Variants in SNTG1 observed in about 807,000 individuals in gnomAD.
The protein encoded by SNTG1 is syntrophin gamma 1.
Under a neutral mutation model 74.7 loss-of-function variants are expected in SNTG1, and 39 were observed. The ratio of observed to expected loss-of-function variants is 0.52; its 90% CI spans 0.40 to 0.68. The LOEUF (loss-of-function observed/expected upper bound fraction) is 0.68, where lower values mean the gene tolerates loss of function less well. Among genes scored for constraint, SNTG1 ranks in the 30% least tolerant of loss-of-function variants. The probability of loss-of-function intolerance (pLI) is 0.00; values close to 1 mark genes in which losing one functional copy is unlikely to be tolerated. For synonymous variants in SNTG1, 254 were observed against 217.1 expected, an observed-to-expected ratio of 1.17 and a Z score of -1.49; for missense variants, 685 against 609.5, an observed-to-expected ratio of 1.12 and a Z score of -1.30.
intron 1 of SNTG1, among the ~76,000 whole-genome samples, chr8:50,109,105 C>A (rs1306371320): frequency 1.3e-5 from 2 of 152,172 alleles, no homozygotes; most frequent in Non-Finnish European, 1.5e-5. Flanking sequence ...ACACTTTCCA[C>A]TCCTGGGTAT....
intron 17 of SNTG1, among the ~76,000 whole-genome samples, chr8:50,716,139 AAGC>A (rs2095474437): frequency 6.6e-6 from 1 of 152,162 alleles, no homozygotes; most frequent in Non-Finnish European, 1.5e-5. Flanking sequence ...TTTTTATATA[AAGC>A]ATTTATATGA....
At chr8:50,776,143 G>C (rs191329155) in intron 18 of SNTG1, among the ~76,000 whole-genome samples, 1 of 150,448 alleles carries the variant, frequency 6.6e-6, no homozygotes, top group Admixed American at 6.6e-5. Flanking sequence ...TTTGAATTTT[G>C]TTCTCTCTCT....
intron 1 of SNTG1, among the ~76,000 whole-genome samples, chr8:50,139,841 A>C (rs2081598076): frequency 6.6e-6 from 1 of 152,244 alleles, no homozygotes; most frequent in Admixed American, 6.5e-5. Context: ...CTGGAATTTA[A>C]AGGAGATGAG....
intron 13 of SNTG1, among the ~76,000 whole-genome samples, chr8:50,606,485 TA>T (rs990920188): frequency 6.6e-6 from 1 of 152,062 alleles, no homozygotes; most frequent in Admixed American, 6.6e-5. Flanking sequence ...AAATGACTTC[TA>T]AGATGTAGGA....
At chr8:50,687,580 T>C (rs907172241) in intron 15 of SNTG1, among the ~76,000 whole-genome samples, 1 of 145,840 alleles carries the variant, frequency 6.9e-6, no homozygotes, top group South Asian at 2.1e-4. Flanking sequence ...GTTCTTTTTT[T>C]ATTATTATAA....
intron 2 of SNTG1, among the ~76,000 whole-genome samples, chr8:50,185,584 T>C (rs544088207): frequency 6.6e-6 from 1 of 152,310 alleles, no homozygotes; most frequent in Admixed American, 6.5e-5. Flanking sequence ...CTATGATAAA[T>C]ATAAATGTAT....
intron 2 of SNTG1, among the ~76,000 whole-genome samples, chr8:50,335,844 T>TATTTC (rs1554643237): frequency 6.6e-6 from 1 of 151,226 alleles, no homozygotes; most frequent in Non-Finnish European, 1.5e-5. Context: ...TATTTTATTT[T>TATTTC]ATTTTATTTT....
intron 1 of SNTG1, among the ~76,000 whole-genome samples, chr8:50,162,583 A>G (rs928194921): frequency 1.7e-4 from 26 of 151,052 alleles, no homozygotes; most frequent in African/African-American, 5.4e-4. Context: ...AAAAAGAAAA[A>G]AAAAGAAAGA....
intron 4 of SNTG1, among the ~76,000 whole-genome samples, chr8:50,412,707 T>C (rs756907925): frequency 5.9e-5 from 9 of 152,170 alleles, no homozygotes; most frequent in Non-Finnish European, 7.3e-5. Flanking sequence ...TTGCGGGATA[T>C]ATGTAATTTT....
At chr8:50,658,787 A>C in intron 15 of SNTG1, 124 bp downstream of exon 15, 1 of 633,682 alleles carries the variant, frequency 1.6e-6, no homozygotes, top group Non-Finnish European at 2.7e-6. Context: ...ATAAAGACAA[A>C]TGAAAGAGAA....
chr8:50,355,616 C>T (rs984132639), intron 2 of SNTG1, among the ~76,000 whole-genome samples: 1 of 152,024 alleles, frequency 6.6e-6, no homozygotes, highest in Non-Finnish European at 1.5e-5. Flanking sequence ...ATGTTTTGCT[C>T]CAGAACTTTG....
At chr8:50,719,490 T>A (rs890738642) in intron 17 of SNTG1, among the ~76,000 whole-genome samples, 1 of 152,220 alleles carries the variant, frequency 6.6e-6, no homozygotes, top group Non-Finnish European at 1.5e-5. Flanking sequence ...TTCTATTGTT[T>A]CTATGTTATT....
intron 4 of SNTG1, among the ~76,000 whole-genome samples, chr8:50,421,725 A>G (rs2093090260): frequency 6.6e-6 from 1 of 152,122 alleles, no homozygotes; most frequent in Non-Finnish European, 1.5e-5. Context: ...TTGGCCCCCT[A>G]AAGGTCTGCT....
At chr8:50,121,123 C>CA (rs1440804624) in intron 1 of SNTG1, among the ~76,000 whole-genome samples, 1 of 142,426 alleles carries the variant, frequency 7.0e-6, no homozygotes, top group Non-Finnish European at 1.6e-5. Flanking sequence ...TTGCCATACA[C>CA]AAAAAACTAG....
chr8:50,503,845 T>C (rs1210072991), intron 9 of SNTG1, among the ~76,000 whole-genome samples: 1 of 152,220 alleles, frequency 6.6e-6, no homozygotes, highest in African/African-American at 2.4e-5. Context: ...GGAAACGTTC[T>C]TTTATTTAAC....
At position 50,707,339 on chromosome 8, in the gene SNTG1, A is replaced by G. The variant is rs1293355787; in HGVS notation, c.1192-1547A>G. ...CCTTAAACATTCCTTAATGTTGATA[A>G]TAGTTTTAATAAAGTGCTAATAGGT... On this transcript the variant is annotated intron_variant, in intron 16 of 18. Transcript: ENST00000642720. 2.0e-5 allele frequency among the ~76,000 whole-genome samples: 3 copies of G among 152,156 alleles called. No individual in the cohort carries two copies. In the East Asian group the frequency reaches 5.8e-4, roughly 29 times the overall value.
intron 1 of SNTG1, among the ~76,000 whole-genome samples, chr8:50,145,960 G>C (rs1179867839): frequency 7.5e-6 from 1 of 132,882 alleles, no homozygotes; most frequent in Non-Finnish European, 1.5e-5. Flanking sequence ...AGAACTTAAA[G>C]TATAATAATA....
chr8:49,936,679 T>C (rs1025536204), intron 1 of SNTG1, among the ~76,000 whole-genome samples: 4 of 152,206 alleles, frequency 2.6e-5, no homozygotes, highest in African/African-American at 9.6e-5. Flanking sequence ...CTTTTCTTTT[T>C]GTACCCAAAT....
chr8:50,469,029 C>A (rs2093631053), intron 8 of SNTG1, among the ~76,000 whole-genome samples: 1 of 152,104 alleles, frequency 6.6e-6, no homozygotes, highest in African/African-American at 2.4e-5. Context: ...GTTAAGTTGA[C>A]AAGAATGAGA....
Sources: gnomAD v4.1 joint callset for allele counts (sites outside exome capture counted in the v4.1 genomes callset) on GRCh38, gnomAD v4.1.1 for gene constraint, MANE v1.5 for transcripts, NCBI Gene and HGNC (gene_info 2026-07-23, HGNC 2026-07-21) for gene names.